NGEF: variants seen among roughly 807,000 people sequenced by gnomAD.
NGEF encodes ephexin-1.
Under a neutral mutation model 80.9 loss-of-function variants are expected in NGEF, and 31 were observed. The observed-to-expected ratio is 0.38, with a 90% CI of 0.29 to 0.52. The LOEUF (loss-of-function observed/expected upper bound fraction) is 0.52. Ranked by LOEUF, NGEF falls within the 20% of genes least tolerant of loss-of-function variation. The pLI is 0.84. For missense variants in NGEF, 709 were observed against 926.2 expected (o/e 0.77, Z 3.04); for synonymous variants, 371 against 370.2 (o/e 1.00, Z -0.03).
At chr2:232,920,679 G>A in intron 4 of NGEF, 94 bp from the exon 5 acceptor site, 1 of 1,281,588 alleles carries the variant, frequency 7.8e-7, no homozygotes, top group Non-Finnish European at 1.1e-6. Flanking sequence ...CTTATCAAGG[G>A]TGGCTGCTGT....
At position 232,894,888 on chromosome 2, in the gene NGEF, G is replaced by A. The variant is rs750775779; in HGVS notation, c.857C>T (p.Ala286Val). 1.2e-5 allele frequency: 19 copies of A among 1,597,996 alleles called. No individual in the cohort carries two copies. The highest frequency in any genetic ancestry group is 3.3e-5 in the South Asian group (3 of 90,504). ...CAGGTTCAGACTCTTGTAGTAGGAC[G>A]CCTCGGAAGTGACCAGCTCGAACAT... Reference protein sequence around the residue: ...EAMFELVTSEASYYKSLNLLV... With the variant: ...EAMFELVTSEVSYYKSLNLLV... Residue 286 changes from alanine (A) to valine (V), a missense_variant, in exon 6 of 15, where the codon GCG becomes GTG. Coordinates refer to ENST00000264051, the MANE Select transcript of NGEF (RefSeq NM_019850.3).
chr2:232,896,712 AG>A (rs1692090188), intron 5 of NGEF, among the ~76,000 whole-genome samples: 1 of 7,002 alleles, frequency 1.4e-4, no homozygotes, highest in African/African-American at 7.8e-4. Context: ...GGGTGGGGGT[AG>A]GGGTGAGTGC....
chr2:232,978,146 T>A (rs1304209516), intron 1 of NGEF, among the ~76,000 whole-genome samples: 2 of 136,414 alleles, frequency 1.5e-5, no homozygotes, highest in Non-Finnish European at 3.1e-5. Context: ...TGTGTTGTGA[T>A]CCTAACATGA....
intron 1 of NGEF, among the ~76,000 whole-genome samples, chr2:232,989,949 A>G (rs930160647): frequency 3.9e-5 from 6 of 152,208 alleles, no homozygotes; most frequent in Non-Finnish European, 8.8e-5. Context: ...AAAATTCACC[A>G]TGGTAAAGAA....
At chr2:232,901,529 A>ACG in intron 5 of NGEF, 1 of 801,806 alleles carries the variant, frequency 1.2e-6, no homozygotes, top group Non-Finnish European at 1.5e-6. Flanking sequence ...CACCAGGGTG[A>ACG]CATCTGCGGG....
chr2:232,943,499 A>ATTT lies in NGEF; in HGVS notation c.384-16316_384-16314dup, dbSNP rs72110776. Among the ~76,000 whole-genome samples the ATTT allele has an allele frequency of 5.7e-4, 81 of 143,060 alleles. 3 individuals are homozygous for ATTT. In the Middle Eastern group the frequency reaches 0.014, roughly 25 times the overall value. The allele number at this position is 143,060 out of a possible 152,430, so 93.9% of individuals were successfully genotyped here. On this transcript the variant is annotated intron_variant, in intron 3 of 14. Transcript: ENST00000264051. The stretch of plus-strand genomic sequence containing the variant: ...TTGCCTTAAAGGTGGAATGCTCTAC[A>ATTT]TTTTTTTTTTTTTTGAGACGGAGTC...
intron 5 of NGEF, among the ~76,000 whole-genome samples, chr2:232,919,089 A>C (rs1289663898): frequency 6.6e-6 from 1 of 152,172 alleles, no homozygotes; most frequent in Non-Finnish European, 1.5e-5. Flanking sequence ...TCAAAAATCC[A>C]CTTTTATGAA....
intron 12 of NGEF, among the ~76,000 whole-genome samples, chr2:232,882,729 C>A (rs1691546307): frequency 6.6e-6 from 1 of 152,188 alleles, no homozygotes; most frequent in Admixed American, 6.5e-5. Flanking sequence ...GGGAGGAGGG[C>A]AGAGCCTCAG....
chr2:233,005,144 C>T (rs1015952943), intron 1 of NGEF, among the ~76,000 whole-genome samples: 1 of 152,190 alleles, frequency 6.6e-6, no homozygotes, highest in Non-Finnish European at 1.5e-5. Flanking sequence ...TAGCATGGAT[C>T]AGCACCAACA....
At chr2:232,913,287 G>A (rs1692726668) in intron 5 of NGEF, among the ~76,000 whole-genome samples, 1 of 152,170 alleles carries the variant, frequency 6.6e-6, no homozygotes, top group South Asian at 2.1e-4. Flanking sequence ...CAAGTGTTTG[G>A]AGATTTTCTG....
At chr2:232,883,858 TA>T in intron 11 of NGEF, 122 bp downstream of exon 11, 1 of 1,072,656 alleles carries the variant, frequency 9.3e-7, no homozygotes, top group East Asian at 2.7e-5. Context: ...AACAGACCTT[TA>T]AACCTGACCG....
chr2:232,995,690 A>ATATTGTT (rs1224508518), intron 1 of NGEF, among the ~76,000 whole-genome samples: 4 of 133,008 alleles, frequency 3.0e-5, no homozygotes, highest in African/African-American at 1.2e-4. Flanking sequence ...TATATATTAT[A>ATATTGTT]GTGTATGTAT....
At chr2:232,939,506 A>G (rs1343004710) in intron 3 of NGEF, among the ~76,000 whole-genome samples, 1 of 152,224 alleles carries the variant, frequency 6.6e-6, no homozygotes, top group Non-Finnish European at 1.5e-5. Flanking sequence ...AGACTTGAAG[A>G]AGTAGCATGT....
chr2:232,911,590 T>C (rs1219994773), intron 5 of NGEF, among the ~76,000 whole-genome samples: 1 of 152,186 alleles, frequency 6.6e-6, no homozygotes, highest in East Asian at 1.9e-4. Context: ...TAGATAAATA[T>C]GGGAAGAGAA....
chr2:232,891,564 GC>G, intron 7 of NGEF, 77 bp from the exon 8 acceptor site: 1 of 1,491,672 alleles, frequency 6.7e-7, no homozygotes, highest in Non-Finnish European at 9.0e-7. Context: ...CCCATCCACA[GC>G]CTCCCAGGAT....
rs142583758 is a variant in NGEF, at chr2:232,946,471, A to C, written c.384-19285T>G. 3.1e-3 allele frequency among the ~76,000 whole-genome samples: 470 copies of C among 152,346 alleles called. 5 individuals are homozygous for C. Among genetic ancestry groups the C allele is most frequent in the African/African-American group, 9.9e-3 (411 of 41,582 alleles). ...CAAAAAAAGAAAAGTGAGATATAGA[A>C]TCAGGGAGTAACCATCACTGTATTG... On this transcript the variant is annotated intron_variant, in intron 3 of 14. Coordinates refer to ENST00000264051, the MANE Select transcript of NGEF (RefSeq NM_019850.3).
chr2:232,936,673 C>T (rs1041675627), intron 3 of NGEF, among the ~76,000 whole-genome samples: 2 of 152,194 alleles, frequency 1.3e-5, no homozygotes, highest in East Asian at 1.9e-4. Flanking sequence ...GGAAGGTTAG[C>T]GCTATCTGTG....
At chr2:232,995,057 T>C (rs548807088) in intron 1 of NGEF, among the ~76,000 whole-genome samples, 24 of 88,538 alleles carry the variant, frequency 2.7e-4, no homozygotes, top group African/African-American at 1.0e-3. Flanking sequence ...ACTGTATATA[T>C]GTACAGTATG....
intron 5 of NGEF, among the ~76,000 whole-genome samples, chr2:232,918,407 G>A (rs1414364391): frequency 6.6e-6 from 1 of 151,544 alleles, no homozygotes; most frequent in Non-Finnish European, 1.5e-5. Flanking sequence ...AGCCTCAATT[G>A]AAGAATTTCT....
Sources: gnomAD v4.1 joint callset for allele counts (sites outside exome capture counted in the v4.1 genomes callset) on GRCh38, gnomAD v4.1.1 for gene constraint, MANE v1.5 for transcripts, NCBI Gene and HGNC (gene_info 2026-07-23, HGNC 2026-07-21) for gene names.